MPHOSPH9: variants seen among roughly 807,000 people sequenced by gnomAD.
The protein encoded by MPHOSPH9 is M-phase phosphoprotein 9.
In MPHOSPH9, 88 loss-of-function variants were observed where a neutral mutation model predicts 145.5. The observed-to-expected ratio is 0.60, with a 90% CI of 0.51 to 0.72. The LOEUF is 0.72. Among genes scored for constraint, MPHOSPH9 ranks in the 30% least tolerant of loss-of-function variants. The pLI, the probability that MPHOSPH9 is intolerant of heterozygous loss-of-function variation, is 0.00. For missense variants in MPHOSPH9, 1,238 were observed against 1,386.6 expected, an observed-to-expected ratio of 0.89 and a Z score of 1.70; for synonymous variants, 435 against 486.2, an observed-to-expected ratio of 0.89 and a Z score of 1.39.
chr12:123,207,354 C>G (rs1023640118), intron 8 of MPHOSPH9, among the ~76,000 whole-genome samples: 7 of 151,988 alleles, frequency 4.6e-5, no homozygotes, highest in Admixed American at 4.6e-4. Context: ...TCTTACCCCC[C>G]TCATACTTCA....
In MPHOSPH9 at chr12:123,181,838, T is replaced by C. The variant is rs1444303144; in HGVS notation, c.2242-628A>G. On this transcript the variant is annotated intron_variant, in intron 13 of 23. Coordinates refer to ENST00000606320, the MANE Select transcript of MPHOSPH9 (RefSeq NM_022782.4). ...GCTTGTAGTGAGGCTTGCAGTGAGA[T>C]TGCACCACTGCACTCTAGCCTGGGC... Among the ~76,000 whole-genome samples the C allele has an allele frequency of 5.9e-5, 9 of 151,918 alleles. No individual in the cohort carries two copies. The Middle Eastern group carries it at 0.01, about 173-fold the overall frequency.
In MPHOSPH9 at chr12:123,161,221, C is replaced by T. The variant is rs1451718534; in HGVS notation, c.3296G>A (p.Gly1099Glu). 6.2e-7 allele frequency: 1 copy of T among 1,614,024 alleles called. No individual in the cohort carries two copies. The highest frequency in any genetic ancestry group is 1.1e-5 in the South Asian group (1 of 91,064). The change falls in exon 22 of 24, where the codon GGG becomes GAG. Residue 1099 changes from glycine to glutamate, a missense_variant. By Grantham distance (98) the Gly-to-Glu change is moderately conservative. Transcript: ENST00000606320. ...TTTTGCTGTATATTCAAAATCATTC[C>T]CCTGTGGAGTGACTGAAACCGGCTT... is the stretch of plus-strand genomic sequence containing the variant. ...QCKPVSVTPQ[G>E]NDFEYTAKIR...
At chr12:123,238,096 A>G (rs571960131), upstream of MPHOSPH9, among the ~76,000 whole-genome samples, 1 of 152,126 alleles carries the variant, frequency 6.6e-6, no homozygotes, top group South Asian at 2.1e-4. Flanking sequence ...GGGTTTCACC[A>G]TGTTGCCCAG....
At chr12:123,213,281 C>T (rs919123717) in intron 7 of MPHOSPH9, among the ~76,000 whole-genome samples, 1 of 152,124 alleles carries the variant, frequency 6.6e-6, no homozygotes, top group Non-Finnish European at 1.5e-5. Flanking sequence ...GTTCTGAGCA[C>T]ATTTAATGTA....
At chr12:123,173,606 C>T (rs2044687812) in intron 16 of MPHOSPH9, among the ~76,000 whole-genome samples, 1 of 152,128 alleles carries the variant, frequency 6.6e-6, no homozygotes. Context: ...GTCGTCCAAG[C>T]TTCAATCAGG....
intron 8 of MPHOSPH9, among the ~76,000 whole-genome samples, chr12:123,209,553 AC>A (rs2046605677): frequency 6.6e-6 from 1 of 151,542 alleles, no homozygotes; most frequent in African/African-American, 2.4e-5. Context: ...ATGAACAGGC[AC>A]ACGCCACCAA....
At chr12:123,163,589 T>C (rs2044194885) in intron 19 of MPHOSPH9, among the ~76,000 whole-genome samples, 1 of 42,444 alleles carries the variant, frequency 2.4e-5, no homozygotes, top group African/African-American at 1.9e-4. Flanking sequence ...AAGAAGTATA[T>C]TTGAGACTAG....
chr12:123,243,572 G>A lies in MPHOSPH9; in HGVS notation c.-159+281C>T, dbSNP rs532101576. ...ATACAAAAATTAGCTAGGTGTGGTGGCACGTGCCTGTAGTCCCAGCTACTC... is the reference window on the plus strand; with the variant it reads ...ATACAAAAATTAGCTAGGTGTGGTGACACGTGCCTGTAGTCCCAGCTACTC... On this transcript the variant is annotated intron_variant, in intron 1 of 2. Transcript: ENST00000545406. 1.1e-4 allele frequency among the ~76,000 whole-genome samples: 16 copies of A among 151,870 alleles called. No individual in the cohort carries two copies. The South Asian group carries it at 3.3e-3, about 32-fold the overall frequency.
At chr12:123,226,604 T>TCC (rs2047445678) in intron 3 of MPHOSPH9, among the ~76,000 whole-genome samples, 1 of 151,796 alleles carries the variant, frequency 6.6e-6, no homozygotes, top group African/African-American at 2.4e-5. Context: ...CACCTCTGCC[T>TCC]CAAGTGCTGG....
Position 123,165,472 on chromosome 12 carries a change from C to T in MPHOSPH9, c.2597G>A (p.Arg866His), listed in dbSNP as rs201725214. 2.5e-5 allele frequency: 40 copies of T among 1,612,888 alleles called. No homozygotes were observed. Among genetic ancestry groups the T allele is most frequent in the Non-Finnish European group, 3.0e-5 (35 of 1,179,744 alleles). Reference protein sequence around the residue: ...QLEETCSLGHRSPLEKDSSPG... With the variant: ...QLEETCSLGHHSPLEKDSSPG... ...TGAAGAATCCTTTTCCAGAGGTGAA[C>T]GGTGCCTTAAACAATAATTTTAAGA... is the stretch of plus-strand genomic sequence containing the variant. Residue 866 changes from arginine (R) to histidine (H), a missense_variant, in exon 18 of 24, where the codon CGT becomes CAT. By Grantham distance (29) the Arg-to-His change is conservative (BLOSUM62 0). This residue lies in a region of MPHOSPH9 where 393 missense variants were observed against 462.5 expected (regional missense o/e 0.85). Coordinates refer to ENST00000606320, the MANE Select transcript of MPHOSPH9 (RefSeq NM_022782.4).
intron 23 of MPHOSPH9, among the ~76,000 whole-genome samples, 157 bp from the exon 24 acceptor site, chr12:123,157,065 C>T (rs1362303198): frequency 6.6e-6 from 1 of 152,172 alleles, no homozygotes; most frequent in Non-Finnish European, 1.5e-5. Flanking sequence ...TTCTTTTAAA[C>T]TGGACAATAT....
chr12:123,208,501 C>G (rs2046547026), intron 8 of MPHOSPH9, among the ~76,000 whole-genome samples: 1 of 145,648 alleles, frequency 6.9e-6, no homozygotes, highest in Admixed American at 7.1e-5. Context: ...CGCACCACTG[C>G]ACTCCAACCT....
chr12:123,230,630 AAGGATAGCAAC>A (rs1156468519), intron 1 of MPHOSPH9, 108 bp from the exon 2 acceptor site: 1 of 295,640 alleles, frequency 3.4e-6, no homozygotes, highest in African/African-American at 2.2e-5. Flanking sequence ...GATCTCCATT[AAGGATAGCAAC>A]AGTATTCATA....
chr12:123,232,604 G>C (rs1448404761), intron 1 of MPHOSPH9, among the ~76,000 whole-genome samples: 1 of 152,118 alleles, frequency 6.6e-6, no homozygotes, highest in Non-Finnish European at 1.5e-5. Context: ...GCCAGATCCC[G>C]ACATTCTGAG....
At chr12:123,223,908 G>A (rs2047320818) in intron 3 of MPHOSPH9, among the ~76,000 whole-genome samples, 1 of 151,716 alleles carries the variant, frequency 6.6e-6, no homozygotes, top group Admixed American at 6.6e-5. Context: ...CTCATAGATG[G>A]CTAAAAGGAT....
At position 123,155,039 on chromosome 12, in the gene MPHOSPH9, T is replaced by TAC; in HGVS notation, c.*1766_*1767dup. 0.014 allele frequency: 2,076 copies of TAC among 147,236 alleles called. 23 individuals carry two copies. Among genetic ancestry groups the TAC allele is most frequent in the Non-Finnish European group, 0.02 (1,333 of 66,782 alleles). 9.1% of individuals were successfully genotyped at this position (147,236 alleles called of 1,614,324 possible). A position where few individuals can be genotyped will look rare whatever the true frequency, so the allele number is the denominator to read the frequency against. ...ACATACACACACACACATAGACATA[T>TAC]ACACACACACAAAATTAGCCGGGCG... On this transcript the variant is annotated 3_prime_UTR_variant, in exon 24 of 24. Transcript: ENST00000606320.
chr12:123,199,075 G>A (rs1230579878), intron 11 of MPHOSPH9, among the ~76,000 whole-genome samples: 2 of 151,678 alleles, frequency 1.3e-5, no homozygotes, highest in East Asian at 1.9e-4. Flanking sequence ...GTGCAATCAC[G>A]GTTCACTGCA....
intron 16 of MPHOSPH9, among the ~76,000 whole-genome samples, chr12:123,170,947 T>C (rs1433131912): frequency 2.0e-5 from 3 of 152,238 alleles, no homozygotes; most frequent in South Asian, 2.1e-4. Context: ...ACCTGTCCGA[T>C]GGTGTGAATT....
At chr12:123,234,277 G>T (rs890646462), upstream of MPHOSPH9, among the ~76,000 whole-genome samples, 2 of 152,126 alleles carry the variant, frequency 1.3e-5, no homozygotes, top group African/African-American at 2.4e-5. Flanking sequence ...TATCACTTAG[G>T]CCTCCACAAC....
Sources: allele counts gnomAD v4.1 joint callset (sites outside exome capture counted in the v4.1 genomes callset), GRCh38; gene constraint gnomAD v4.1.1; regional missense constraint gnomAD v4.1.1; transcripts MANE v1.5; gene names NCBI Gene and HGNC (gene_info 2026-07-23, HGNC 2026-07-21).